Variants in SPTY2D1 observed in about 807,000 individuals in gnomAD.
The protein encoded by SPTY2D1 is protein SPT2 homolog.
In SPTY2D1, 21 loss-of-function variants were observed where a neutral mutation model predicts 64.0. The ratio of observed to expected loss-of-function variants is 0.33; its 90% CI spans 0.23 to 0.47. The LOEUF (loss-of-function observed/expected upper bound fraction) is 0.47. Among genes scored for constraint, SPTY2D1 ranks in the 20% least tolerant of loss-of-function variants. The probability of loss-of-function intolerance (pLI) is 1.00; values close to 1 mark genes in which losing one functional copy is unlikely to be tolerated. For synonymous variants in SPTY2D1, 287 were observed against 286.8 expected (o/e 1.00, Z -0.01); for missense variants, 724 against 837.2 (o/e 0.86, Z 1.67).
chr11:18,609,864 A>T lies in SPTY2D1; in HGVS notation c.2055T>A (p.Arg685=). The T allele has an allele frequency of 6.2e-7, 1 of 1,614,044 alleles. No individual in the cohort carries two copies. Among genetic ancestry groups the T allele is most frequent in the Non-Finnish European group, 8.5e-7 (1 of 1,179,994 alleles). The change falls in exon 6 of 6, where the codon CGT becomes CGA. Residue 685 remains arginine (R), a synonymous_variant. Coordinates refer to ENST00000336349, the MANE Select transcript of SPTY2D1 (RefSeq NM_194285.3). The part of the protein sequence containing the change: ...QRRRAKKLKR[R] ...TTCACAAAAATAAAAGCAGCAGCTAACGCCTCTTCAGCTTCTTGGCCCTTC... is the reference window on the plus strand; with the variant it reads ...TTCACAAAAATAAAAGCAGCAGCTATCGCCTCTTCAGCTTCTTGGCCCTTC...
rs1377308002 is a variant in SPTY2D1, at chr11:18,612,782, T to C, written c.1712-294A>G. Among the ~76,000 whole-genome samples, 2 of 152,008 alleles carry C rather than the reference T, an allele frequency of 1.3e-5. No homozygotes were observed. The highest frequency in any genetic ancestry group is 3.8e-4 in the East Asian group (2 of 5,196). ...ATTTCTTTCTTTCTTTTTTTTTTTT[T>C]TGAGACAGAGTTTCACTTGTTGCCT... is the stretch of plus-strand genomic sequence containing the variant. On this transcript the variant is annotated intron_variant, in intron 3 of 5. Coordinates refer to ENST00000336349, the MANE Select transcript of SPTY2D1 (RefSeq NM_194285.3). This position sits in a 1 kb window ranked among gnomAD's most constrained non-coding sequence, Gnocchi z 4.6.
Position 18,634,284 on chromosome 11 carries a change from C to A in SPTY2D1, c.-27G>T. ...TTGGGCCGAGGCGGGAGAGACTGGG[C>A]CAGGCACTCGGAAAGGACTGACAGC... On this transcript the variant is annotated 5_prime_UTR_variant, in exon 1 of 6. Transcript: ENST00000336349. 1 of 1,613,518 alleles carries A rather than the reference C, an allele frequency of 6.2e-7. No individual in the cohort carries two copies. The highest frequency in any genetic ancestry group is 8.5e-7 in the Non-Finnish European group (1 of 1,179,636).
Position 18,627,210 on chromosome 11 carries a change from C to T in SPTY2D1, c.60+6988G>A, listed in dbSNP as rs927726934. Reference sequence around the variant, plus strand: ...GGTGGATCACCTGAGGTCAGGAATTCGAGACCAGCCTGGCCAGCATGATGA... The same window carrying T: ...GGTGGATCACCTGAGGTCAGGAATTTGAGACCAGCCTGGCCAGCATGATGA... On this transcript the variant is annotated intron_variant, in intron 1 of 5. Coordinates refer to ENST00000336349, the MANE Select transcript of SPTY2D1 (RefSeq NM_194285.3). 1.1e-4 allele frequency among the ~76,000 whole-genome samples: 15 copies of T among 141,000 alleles called. 1 individual carries two copies. Among genetic ancestry groups the T allele is most frequent in the African/African-American group, 2.9e-4 (11 of 37,312 alleles). 92.5% of individuals were successfully genotyped at this position (141,000 alleles called of 152,430 possible).
At chr11:18,617,954 TATAA>T (rs897140481) in intron 1 of SPTY2D1, among the ~76,000 whole-genome samples, 1 of 151,396 alleles carries the variant, frequency 6.6e-6, no homozygotes, top group African/African-American at 2.4e-5. Context: ...TCCATCAATC[TATAA>T]GTAAGTAAGT....
In SPTY2D1 at chr11:18,609,906, T is replaced by C; in HGVS notation, c.2013A>G (p.Glu671=). ...TGGCCCTTCGACGTTGCATTTCTTCTTCTTCACGTCTCATTTCCTCTAAGT... is the reference window on the plus strand; with the variant it reads ...TGGCCCTTCGACGTTGCATTTCTTCCTCTTCACGTCTCATTTCCTCTAAGT... ...QEDLEEMRRE[E]EEMQRRRAKK... is the part of the protein sequence containing the mutation. Residue 671 remains glutamate (E), a synonymous_variant, in exon 6 of 6, where the codon GAA becomes GAG. Coordinates refer to ENST00000336349, the MANE Select transcript of SPTY2D1 (RefSeq NM_194285.3). 6.2e-7 allele frequency: 1 copy of C among 1,614,212 alleles called. No homozygotes were observed. The highest frequency in any genetic ancestry group is 8.5e-7 in the Non-Finnish European group (1 of 1,180,034).
intron 1 of SPTY2D1, among the ~76,000 whole-genome samples, chr11:18,618,520 G>A (rs563487735): frequency 1.3e-5 from 2 of 152,186 alleles, no homozygotes; most frequent in South Asian, 2.1e-4. Context: ...TTCAGACCAG[G>A]GATGATTCAC....
In SPTY2D1 at chr11:18,606,769, C is replaced by T. The variant is rs534240282; in HGVS notation, c.*3092G>A. On this transcript the variant is annotated 3_prime_UTR_variant, in exon 6 of 6. Transcript: ENST00000336349. ...CTCCTGCTATATCTCAGAAATTTAC[C>T]AATAGCTGCTTTTAAGTTACAAAAT... The T allele has an allele frequency of 1.9e-3, 738 of 385,328 alleles. 6 individuals are homozygous for T. The highest frequency in any genetic ancestry group is 9.4e-3 in the South Asian group (489 of 52,020). The allele number at this position is 385,328 out of a possible 1,614,324, so 23.9% of individuals were successfully genotyped here.
intron 5 of SPTY2D1, 35 bp from the exon 6 acceptor site, chr11:18,609,989 T>C: frequency 6.4e-7 from 1 of 1,563,766 alleles, no homozygotes; most frequent in East Asian, 2.2e-5. Context: ...TTTGTCAATA[T>C]ACATGAGATG....
rs760127366 is a variant in SPTY2D1, at chr11:18,611,565, GA to G, written c.1887-12del. ...CTTTCATCTTTGTATCTGATAAAAG[GA>G]AATCAAAATGATAAAAAGAGAAAAC... On this transcript the variant is annotated splice_polypyrimidine_tract_variant and intron_variant, in intron 4 of 5. Transcript: ENST00000336349. The G allele has an allele frequency of 1.5e-5, 24 of 1,608,264 alleles. No homozygotes were observed. The South Asian group carries it at 2.5e-4, about 17-fold the overall frequency.
chr11:18,634,239 G>C lies in SPTY2D1; in HGVS notation c.19C>G (p.Leu7Val), dbSNP rs1854633910. The C allele has an allele frequency of 6.2e-7, 1 of 1,614,082 alleles. No homozygotes were observed. Among genetic ancestry groups the C allele is most frequent in the Non-Finnish European group, 8.5e-7 (1 of 1,180,044 alleles). The change falls in exon 1 of 6, where the codon CTC becomes GTC. Residue 7 changes from leucine to valine, a missense_variant. Around this residue, in one of 3 missense-constraint regions of SPTY2D1, gnomAD observed 179 missense variants for 232.5 expected, o/e 0.77. Coordinates refer to ENST00000336349, the MANE Select transcript of SPTY2D1 (RefSeq NM_194285.3). ...CCTTGTCCCTTGGAAGCTATCATGAGAATTTCTCTGAAGTCCATGTTGGGC... is the reference window on the plus strand; with the variant it reads ...CCTTGTCCCTTGGAAGCTATCATGACAATTTCTCTGAAGTCCATGTTGGGC... MDFREI[L>V]MIASKGQGVN...
chr11:18,624,210 G>GGA (rs67857712), intron 1 of SPTY2D1, among the ~76,000 whole-genome samples: 9 of 142,034 alleles, frequency 6.3e-5, no homozygotes, highest in African/African-American at 2.1e-4. Context: ...AAAAAGAGAG[G>GGA]AAAAAAAAAA....
intron 5 of SPTY2D1, 96 bp downstream of exon 5, chr11:18,611,381 G>T (rs935621004): frequency 9.0e-6 from 10 of 1,115,850 alleles, no homozygotes; most frequent in Middle Eastern, 1.9e-4. Flanking sequence ...GAATTCTCTG[G>T]CCCAAAGCCC....
At chr11:18,627,082 T>C (rs1219775923) in intron 1 of SPTY2D1, among the ~76,000 whole-genome samples, 3 of 152,028 alleles carry the variant, frequency 2.0e-5, no homozygotes, top group African/African-American at 4.8e-5. Flanking sequence ...TTAACTTCCT[T>C]ATTTTTTTGT....
intron 1 of SPTY2D1, among the ~76,000 whole-genome samples, chr11:18,621,894 G>A (rs553093389): frequency 3.3e-5 from 5 of 151,588 alleles, no homozygotes; most frequent in South Asian, 2.1e-4. Flanking sequence ...CGAGACCAGC[G>A]TGGGCAATAT....
At chr11:18,611,169 G>A (rs1854200353) in intron 5 of SPTY2D1, among the ~76,000 whole-genome samples, 1 of 152,126 alleles carries the variant, frequency 6.6e-6, no homozygotes, top group South Asian at 2.1e-4. Context: ...ATGGTCCAGT[G>A]CAGTGGCTCA....
At chr11:18,624,357 G>A (rs187698700) in intron 1 of SPTY2D1, among the ~76,000 whole-genome samples, 1 of 152,286 alleles carries the variant, frequency 6.6e-6, no homozygotes, top group Admixed American at 6.5e-5. Flanking sequence ...CTGAATCTGA[G>A]TCAAGGCACC....
rs1403352230 is a variant in SPTY2D1 at position 18,612,785 on chromosome 11, AGACAGAG to A, written c.1712-304_1712-298del. On this transcript the variant is annotated intron_variant, in intron 3 of 5. Coordinates refer to ENST00000336349, the MANE Select transcript of SPTY2D1 (RefSeq NM_194285.3). This position sits in a 1 kb window ranked among gnomAD's most constrained non-coding sequence, Gnocchi z 4.6. The stretch of plus-strand genomic sequence containing the variant: ...TCTTTCTTTCTTTTTTTTTTTTTTG[AGACAGAG>A]TTTCACTTGTTGCCTAGGCTGGAGT... Among the ~76,000 whole-genome samples, 1 of 145,298 alleles carries A rather than the reference AGACAGAG, an allele frequency of 6.9e-6. No homozygotes were observed. Among genetic ancestry groups the A allele is most frequent in the East Asian group, 2.0e-4 (1 of 5,066 alleles).
intron 1 of SPTY2D1, 24 bp downstream of exon 1, chr11:18,634,174 A>G (rs781221896): frequency 1.2e-6 from 2 of 1,613,966 alleles, no homozygotes; most frequent in Non-Finnish European, 1.7e-6. Context: ...GGTCCCCTAC[A>G]TTGATGCCCC....
intron 1 of SPTY2D1, among the ~76,000 whole-genome samples, chr11:18,630,347 C>T (rs543847485): frequency 3.0e-4 from 46 of 151,216 alleles, no homozygotes; most frequent in African/African-American, 6.6e-4. Flanking sequence ...TGGTGGCATG[C>T]GCCTGTAATC....
Sources: gnomAD v4.1 joint callset for allele counts (sites outside exome capture counted in the v4.1 genomes callset) on GRCh38, gnomAD v4.1.1 for gene constraint, gnomAD v4.1.1 regional missense constraint, Gnocchi (gnomAD v3.1) non-coding constraint, MANE v1.5 for transcripts, NCBI Gene and HGNC (gene_info 2026-07-23, HGNC 2026-07-21) for gene names.